The following MTDH variants were observed in gnomAD, a reference collection of about 807,000 sequenced individuals.
MTDH encodes the protein protein LYRIC.
In MTDH, 34 loss-of-function variants were observed where a neutral mutation model predicts 72.7. That is an observed-to-expected ratio of 0.47 (90% CI 0.36 to 0.62). The LOEUF (loss-of-function observed/expected upper bound fraction) is 0.62, where lower values mean the gene tolerates loss of function less well. Ranked by LOEUF, MTDH falls within the 20% of genes least tolerant of loss-of-function variation. The pLI is 0.00. For missense variants in MTDH, 677 were observed against 699.4 expected, an observed-to-expected ratio of 0.97 and a Z score of 0.36; for synonymous variants, 266 against 268.9, an observed-to-expected ratio of 0.99 and a Z score of 0.10.
intron 9 of MTDH, among the ~76,000 whole-genome samples, chr8:97,714,072 A>T (rs1038986426): frequency 1.2e-4 from 19 of 152,196 alleles, no homozygotes; most frequent in African/African-American, 4.6e-4. Flanking sequence ...ACATACAAAA[A>T]TTCCTTTTGA....
chr8:97,651,991 T>C (rs1419488060), intron 1 of MTDH, among the ~76,000 whole-genome samples: 1 of 152,170 alleles, frequency 6.6e-6, no homozygotes, highest in Non-Finnish European at 1.5e-5. Flanking sequence ...ACCTTATATC[T>C]AACCCATCAG....
intron 7 of MTDH, 90 bp from the exon 8 acceptor site, chr8:97,706,536 C>T: frequency 5.7e-6 from 7 of 1,234,622 alleles, no homozygotes; most frequent in Non-Finnish European, 7.5e-6. Context: ...CTTAAAATTA[C>T]AGCTTAGTTG....
chr8:97,678,782 C>CT (rs1299369102), intron 2 of MTDH, among the ~76,000 whole-genome samples: 1 of 151,708 alleles, frequency 6.6e-6, no homozygotes, highest in Non-Finnish European at 1.5e-5. Context: ...GTCTGTTTAT[C>CT]TTTTTTATAA....
At chr8:97,656,780 A>T (rs1382817740) in intron 1 of MTDH, among the ~76,000 whole-genome samples, 1 of 151,484 alleles carries the variant, frequency 6.6e-6, no homozygotes, top group African/African-American at 2.4e-5. Context: ...CAGGCGGGTC[A>T]CTTGAGGCCA....
intron 1 of MTDH, among the ~76,000 whole-genome samples, chr8:97,648,074 A>G (rs1811630753): frequency 6.6e-6 from 1 of 152,202 alleles, no homozygotes; most frequent in Admixed American, 6.5e-5. Flanking sequence ...TTGTAGAGTA[A>G]ATAGTGGCGA....
chr8:97,687,171 T>A (rs1315489605), intron 3 of MTDH, among the ~76,000 whole-genome samples: 2 of 152,166 alleles, frequency 1.3e-5, no homozygotes, highest in Non-Finnish European at 2.9e-5. Context: ...AGATGACTTA[T>A]ATATATCACT....
chr8:97,700,725 A>C (rs1814084160), intron 7 of MTDH, among the ~76,000 whole-genome samples: 1 of 152,226 alleles, frequency 6.6e-6, no homozygotes, highest in Non-Finnish European at 1.5e-5. Context: ...TTCCAGATGA[A>C]AAAGTTGTGA....
chr8:97,724,039 G>A (rs1815256940), intron 11 of MTDH, among the ~76,000 whole-genome samples: 2 of 152,278 alleles, frequency 1.3e-5, no homozygotes, highest in South Asian at 2.1e-4. Context: ...AACGCGGGAG[G>A]CGGAGGTTGT....
At chr8:97,716,571 C>T (rs530975146) in intron 9 of MTDH, among the ~76,000 whole-genome samples, 1 of 151,684 alleles carries the variant, frequency 6.6e-6, no homozygotes, top group South Asian at 2.1e-4. Flanking sequence ...GCCTGTAGTC[C>T]CAGCTACTTG....
chr8:97,723,378 A>G (rs979181582), intron 11 of MTDH, among the ~76,000 whole-genome samples: 23 of 151,484 alleles, frequency 1.5e-4, no homozygotes, highest in African/African-American at 5.1e-4. Flanking sequence ...AGCCTGGGCA[A>G]CAGAGCGAGA....
chr8:97,673,074 T>A (rs569207018), intron 2 of MTDH, among the ~76,000 whole-genome samples: 5 of 152,328 alleles, frequency 3.3e-5, no homozygotes, highest in African/African-American at 1.2e-4. Context: ...TACTCATAAA[T>A]TAACTGAATA....
intron 1 of MTDH, among the ~76,000 whole-genome samples, chr8:97,659,534 T>C (rs568394616): frequency 6.6e-6 from 1 of 152,348 alleles, no homozygotes; most frequent in East Asian, 1.9e-4. Flanking sequence ...AATTTGAGAA[T>C]ATAAATGGTC....
At chr8:97,670,431 A>G (rs1812565416) in intron 2 of MTDH, among the ~76,000 whole-genome samples, 1 of 152,222 alleles carries the variant, frequency 6.6e-6, no homozygotes, top group Non-Finnish European at 1.5e-5. Flanking sequence ...ATCTTGGCCA[A>G]CAAGGTGAAG....
At chr8:97,668,785 C>G (rs888272335) in intron 2 of MTDH, among the ~76,000 whole-genome samples, 3 of 152,068 alleles carry the variant, frequency 2.0e-5, no homozygotes, top group Non-Finnish European at 2.9e-5. Context: ...GAACTCCTGA[C>G]CTCAAATGGC....
At chr8:97,719,421 A>C (rs529709441) in intron 10 of MTDH, among the ~76,000 whole-genome samples, 5 of 145,106 alleles carry the variant, frequency 3.4e-5, no homozygotes, top group African/African-American at 1.3e-4. Flanking sequence ...TGAACCTGAG[A>C]GGCGGAGGGT....
intron 10 of MTDH, among the ~76,000 whole-genome samples, chr8:97,722,472 C>G (rs989801747): frequency 6.6e-6 from 1 of 152,050 alleles, no homozygotes; most frequent in African/African-American, 2.4e-5. Flanking sequence ...CGTGGTGGCA[C>G]ACGCCTGTAG....
intron 9 of MTDH, among the ~76,000 whole-genome samples, chr8:97,715,476 T>G (rs1036243071): frequency 6.6e-6 from 1 of 152,244 alleles, no homozygotes; most frequent in Non-Finnish European, 1.5e-5. Context: ...TAAGGAAATA[T>G]GTATTCAGTT....
At chr8:97,668,908 CCCT>C (rs1314179661) in intron 2 of MTDH, among the ~76,000 whole-genome samples, 1 of 151,788 alleles carries the variant, frequency 6.6e-6, no homozygotes, top group Non-Finnish European at 1.5e-5. Flanking sequence ...TAATGTTTTT[CCCT>C]CCTCTACCTA....
In MTDH at chr8:97,644,738, G is replaced by T. The variant is rs17854373; in HGVS notation, c.232G>T (p.Ala78Ser). ...CGGCTGGGCCGCGGCTTGCGCCGGC[G>T]CCCGCAAAAAGCGGAGGAGCCCGCC... The part of the protein sequence containing the change: ...GYGWAAACAG[A>S]RKKRRSPPRK... Residue 78 changes from alanine to serine, a missense_variant, in exon 1 of 12, where the codon GCC becomes TCC. Transcript: ENST00000336273. The T allele has an allele frequency of 0.05, 78,230 of 1,575,248 alleles. 2,328 individuals carry two copies. The highest frequency in any genetic ancestry group is 0.062 in the Middle Eastern group (324 of 5,210).
Sources: allele counts gnomAD v4.1 joint callset (sites outside exome capture counted in the v4.1 genomes callset), GRCh38; gene constraint gnomAD v4.1.1; transcripts MANE v1.5; gene names NCBI Gene and HGNC (gene_info 2026-07-23, HGNC 2026-07-21).